Variants in EXTL3 observed in about 807,000 individuals in gnomAD.
EXTL3 encodes the protein exostosin-like 3.
EXTL3 carries 27 observed loss-of-function variants against 69.3 expected under a neutral mutation model. The ratio of observed to expected loss-of-function variants is 0.39; its 90% CI spans 0.29 to 0.54. The LOEUF (loss-of-function observed/expected upper bound fraction) is 0.54. Ranked by LOEUF, EXTL3 falls within the 20% of genes least tolerant of loss-of-function variation. EXTL3 has a pLI of 0.69. For missense variants in EXTL3, 1,003 were observed against 1,231.8 expected (o/e 0.81, Z 2.78); for synonymous variants, 511 against 499.4 (o/e 1.02, Z -0.31).
At position 28,750,775 on chromosome 8, in the gene EXTL3, T is replaced by C. The variant is rs540296861; in HGVS notation, c.2669T>C (p.Met890Thr). The change falls in exon 7 of 7, where the codon ATG (methionine) becomes ACG (threonine). Residue 890 changes from methionine (M) to threonine (T), a missense_variant. Coordinates refer to ENST00000220562, the MANE Select transcript of EXTL3 (RefSeq NM_001440.4). This position sits in a 1 kb window ranked among gnomAD's most constrained non-coding sequence, Gnocchi z 5.2. ...INFFVKVYGY[M>T]PLLYTQFRVD... Reference sequence around the variant, plus strand: ...TTCTTCGTGAAGGTGTACGGCTACATGCCCCTCCTGTACACGCAGTTCAGG... The same window carrying C: ...TTCTTCGTGAAGGTGTACGGCTACACGCCCCTCCTGTACACGCAGTTCAGG... 6.2e-7 allele frequency: 1 copy of C among 1,614,230 alleles called. No individual in the cohort carries two copies. The highest frequency in any genetic ancestry group is 1.3e-5 in the African/African-American group (1 of 75,058).
In EXTL3 at chr8:28,750,613, G is replaced by T. The variant is rs950035551; in HGVS notation, c.2551-44G>T. On this transcript the variant is annotated intron_variant, in intron 6 of 6. Transcript: ENST00000220562. This position sits in a 1 kb window ranked among gnomAD's most constrained non-coding sequence, Gnocchi z 5.2. ...CGGCTCAGCTGCAAGGGTTCTGTCAGTATTAGCTGGGATTCCCACTCTGTC... is the reference window on the plus strand; with the variant it reads ...CGGCTCAGCTGCAAGGGTTCTGTCATTATTAGCTGGGATTCCCACTCTGTC... 2 of 1,501,062 alleles carry T rather than the reference G, an allele frequency of 1.3e-6. No individual in the cohort carries two copies. The highest frequency in any genetic ancestry group is 1.9e-6 in the Non-Finnish European group (2 of 1,077,968). 93.0% of individuals were successfully genotyped at this position (1,501,062 alleles called of 1,614,324 possible).
At chr8:28,732,306 C>G (rs1585287736) in intron 4 of EXTL3, among the ~76,000 whole-genome samples, 1 of 152,152 alleles carries the variant, frequency 6.6e-6, no homozygotes, top group African/African-American at 2.4e-5. Context: ...TGAGGGTAAG[C>G]ATTCAGAAAC....
Position 28,754,545 on chromosome 8 carries a change from G to A in EXTL3, c.*3679G>A, listed in dbSNP as rs1375691816. 5.9e-5 allele frequency: 9 copies of A among 152,188 alleles called. No homozygotes were observed. The highest frequency in any genetic ancestry group is 1.3e-4 in the Non-Finnish European group (9 of 68,078). 9.4% of individuals were successfully genotyped at this position (152,188 alleles called of 1,614,324 possible). On this transcript the variant is annotated 3_prime_UTR_variant, in exon 7 of 7. Coordinates refer to ENST00000220562, the MANE Select transcript of EXTL3 (RefSeq NM_001440.4). ...TGGCTGTCAAGCTCCTGTTCTTCCAGCCATCCATCTCCATGTTACGATTGT... is the reference window on the plus strand; with the variant it reads ...TGGCTGTCAAGCTCCTGTTCTTCCAACCATCCATCTCCATGTTACGATTGT...
Position 28,743,721 on chromosome 8 carries a change from A to T in EXTL3, c.2550+507A>T, listed in dbSNP as rs1389520981. 2.6e-5 allele frequency among the ~76,000 whole-genome samples: 4 copies of T among 152,302 alleles called. No homozygotes were observed. The East Asian group carries it at 7.7e-4, about 29-fold the overall frequency. ...AAGAGCATGTATGTCACTGTGTTTT[A>T]CTGTAACTCGTTTCCTTTGTCATCC... is the stretch of plus-strand genomic sequence containing the variant. On this transcript the variant is annotated intron_variant, in intron 6 of 6. Transcript: ENST00000220562.
At chr8:28,748,863 T>C (rs1801945291) in intron 6 of EXTL3, among the ~76,000 whole-genome samples, 1 of 151,854 alleles carries the variant, frequency 6.6e-6, no homozygotes, top group African/African-American at 2.4e-5. Flanking sequence ...AATCCCAACA[T>C]GTTGAGAGGC....
intron 1 of EXTL3, among the ~76,000 whole-genome samples, chr8:28,702,234 G>A (rs1242127747): frequency 6.6e-6 from 1 of 152,186 alleles, no homozygotes; most frequent in South Asian, 2.1e-4. Flanking sequence ...CTCCTTTCAG[G>A]AGCCACAGTC....
intron 1 of EXTL3, among the ~76,000 whole-genome samples, chr8:28,673,129 A>G (rs1807324996): frequency 1.3e-5 from 2 of 152,176 alleles, no homozygotes; most frequent in African/African-American, 4.8e-5. Flanking sequence ...GCAACCTGAA[A>G]ATGGACTAAT....
intron 5 of EXTL3, among the ~76,000 whole-genome samples, chr8:28,739,748 CT>C (rs1389986250): frequency 6.6e-6 from 1 of 152,174 alleles, no homozygotes; most frequent in Non-Finnish European, 1.5e-5. Flanking sequence ...CACCTCAGGA[CT>C]TCCTTTCCTT....
At chr8:28,651,613 C>T (rs536652303) in intron 1 of EXTL3, among the ~76,000 whole-genome samples, 1 of 152,306 alleles carries the variant, frequency 6.6e-6, no homozygotes, top group East Asian at 1.9e-4. Context: ...GCATGAGCCA[C>T]CATGCCTGAC....
upstream of EXTL3, among the ~76,000 whole-genome samples, chr8:28,620,007 A>G (rs996226615): frequency 4.6e-5 from 7 of 151,082 alleles, no homozygotes; most frequent in African/African-American, 1.5e-4. Flanking sequence ...AGTAGCTGGG[A>G]CTACAGGCGC....
chr8:28,615,718 C>A (rs564702696), intron 2 of EXTL3, among the ~76,000 whole-genome samples: 1 of 151,472 alleles, frequency 6.6e-6, no homozygotes, highest in South Asian at 2.1e-4. Context: ...CAGGCATGCA[C>A]CACCATGCCA....
chr8:28,745,833 T>A (rs1303174055), intron 6 of EXTL3, among the ~76,000 whole-genome samples: 1 of 152,244 alleles, frequency 6.6e-6, no homozygotes, highest in Non-Finnish European at 1.5e-5. Context: ...GGAAGTAATT[T>A]AGACATGGTG....
intron 4 of EXTL3, among the ~76,000 whole-genome samples, chr8:28,735,964 G>A (rs1378647174): frequency 6.6e-6 from 1 of 152,142 alleles, no homozygotes; most frequent in African/African-American, 2.4e-5. Context: ...TCATAGAGAC[G>A]GAGAGTAGAA....
At chr8:28,721,040 A>T (rs1801282831) in intron 3 of EXTL3, among the ~76,000 whole-genome samples, 1 of 151,992 alleles carries the variant, frequency 6.6e-6, no homozygotes, top group Non-Finnish European at 1.5e-5. Flanking sequence ...TTGTTTCCTT[A>T]TATGTAAGGT....
chr8:28,681,591 C>A (rs756492222), intron 1 of EXTL3, among the ~76,000 whole-genome samples: 2 of 152,156 alleles, frequency 1.3e-5, no homozygotes, highest in Non-Finnish European at 2.9e-5. Flanking sequence ...TTGTAAATAG[C>A]ACTGCAATGA....
At chr8:28,677,097 G>A (rs1807399551) in intron 1 of EXTL3, among the ~76,000 whole-genome samples, 1 of 152,130 alleles carries the variant, frequency 6.6e-6, no homozygotes. Context: ...GGAGGCAGTA[G>A]AGACAGGGAG....
intron 2 of EXTL3, among the ~76,000 whole-genome samples, chr8:28,611,914 GCTCCCTGCAAGAGGATCGT>G (rs1214898747): frequency 6.6e-6 from 1 of 152,168 alleles, no homozygotes; most frequent in Non-Finnish European, 1.5e-5. Context: ...TGTCATTGGG[GCTCCCTGCAAGAGGATCGT>G]CATTTCCTCT....
At chr8:28,700,812 A>C (rs1800769870), upstream of EXTL3, 1 of 152,238 alleles carries the variant, frequency 6.6e-6, no homozygotes, top group Admixed American at 6.5e-5. Context: ...AAGGGGTCTT[A>C]TCCTGACTTC....
rs1304053657 is a variant in EXTL3, at chr8:28,623,546, C to T, written c.-53+736C>T. 6.6e-6 allele frequency among the ~76,000 whole-genome samples: 1 copy of T among 152,212 alleles called. No individual in the cohort carries two copies. Among genetic ancestry groups the T allele is most frequent in the Admixed American group, 6.5e-5 (1 of 15,276 alleles). On this transcript the variant is annotated intron_variant, in intron 1 of 6. Coordinates refer to the EXTL3 transcript ENST00000523149. This position sits in a 1 kb window ranked among gnomAD's most constrained non-coding sequence, Gnocchi z 4.2. ...AGGGCTCCATCCGTTCAGTCTCACC[C>T]CTTGGTAAGCATGTCCTGTCCTGAA... is the stretch of plus-strand genomic sequence containing the variant.
Sources: gnomAD v4.1 joint callset for allele counts (sites outside exome capture counted in the v4.1 genomes callset) on GRCh38, gnomAD v4.1.1 for gene constraint, Gnocchi (gnomAD v3.1) non-coding constraint, MANE v1.5 for transcripts, NCBI Gene and HGNC (gene_info 2026-07-23, HGNC 2026-07-21) for gene names.